The following KLHDC2 variants were observed in gnomAD, a reference collection of about 807,000 sequenced individuals.
The protein encoded by KLHDC2 is kelch domain containing 2.
KLHDC2 carries 38 observed loss-of-function variants against 62.3 expected under a neutral mutation model. The ratio of observed to expected loss-of-function variants is 0.61; its 90% CI spans 0.47 to 0.80. The LOEUF (loss-of-function observed/expected upper bound fraction) is 0.80. KLHDC2 is among the 30% of genes least tolerant of loss of function. The pLI, the probability that KLHDC2 is intolerant of heterozygous loss-of-function variation, is 0.00. For synonymous variants in KLHDC2, 159 were observed against 161.0 expected (o/e 0.99, Z 0.09); for missense variants, 430 against 495.3 (o/e 0.87, Z 1.25).
chr14:49,773,512 G>A (rs1889707076), intron 2 of KLHDC2, among the ~76,000 whole-genome samples: 1 of 151,172 alleles, frequency 6.6e-6, no homozygotes. Flanking sequence ...TTGAGCCCAG[G>A]AGTTCAAGAC....
intron 4 of KLHDC2, 57 bp downstream of exon 4, chr14:49,778,011 G>A (rs1311255208): frequency 1.8e-6 from 2 of 1,099,188 alleles, no homozygotes; most frequent in Admixed American, 3.8e-5. Context: ...TTACCATTCA[G>A]GTATCCTTAG....
chr14:49,782,949 C>T lies in KLHDC2; in HGVS notation c.1217C>T (p.Ser406Phe), dbSNP rs747255867. The T allele has an allele frequency of 6.2e-7, 1 of 1,611,282 alleles. No individual in the cohort carries two copies. ...QRFGSNNTSG[S>F] ...TTTGGTAGTAACAACACTTCTGGAT[C>T]TTAAGGCTTCATAAATAATGCCTAT... Residue 406 changes from serine (S) to phenylalanine (F), a missense_variant, in exon 13 of 13, where the codon TCT (serine) becomes TTT (phenylalanine). Physicochemically the swap from Ser to Phe is radical, Grantham distance 155. Coordinates refer to ENST00000298307, the MANE Select transcript of KLHDC2 (RefSeq NM_014315.3).
chr14:49,778,561 G>GC, intron 6 of KLHDC2, 67 bp downstream of exon 6: 6 of 297,522 alleles, frequency 2.0e-5, no homozygotes, highest in East Asian at 8.7e-5. Flanking sequence ...TGGGGTAGGG[G>GC]AGAGGGGTGC....
At chr14:49,780,134 A>C in intron 8 of KLHDC2, 79 bp from the exon 9 acceptor site, 1 of 902,752 alleles carries the variant, frequency 1.1e-6, no homozygotes, top group Non-Finnish European at 1.8e-6. Flanking sequence ...TAACATGTAC[A>C]TATAAATTTT....
At chr14:49,772,035 C>T (rs1320737810) in intron 2 of KLHDC2, among the ~76,000 whole-genome samples, 5 of 152,124 alleles carry the variant, frequency 3.3e-5, no homozygotes, top group Admixed American at 3.3e-4. Flanking sequence ...AAATGTAAAA[C>T]ACTTTCTAAG....
chr14:49,778,218 A>C lies in KLHDC2; in HGVS notation c.508A>C (p.Lys170Gln). 1 of 1,609,586 alleles carries C rather than the reference A, an allele frequency of 6.2e-7. No individual in the cohort carries two copies. Among genetic ancestry groups the C allele is most frequent in the Admixed American group, 1.7e-5 (1 of 59,302 alleles). ...AGGGTATGGATATTTGCCTGAAGAT[A>C]AAGTATTGGGAACTTTTGAATTCGA... Reference protein sequence around the residue: ...FGGYGYLPEDKVLGTFEFDET... With the variant: ...FGGYGYLPEDQVLGTFEFDET... Residue 170 changes from lysine (K) to glutamine (Q), a missense_variant, in exon 5 of 13, where the codon AAA becomes CAA. Physicochemically the swap from Lys to Gln is moderately conservative, Grantham distance 53 (BLOSUM62 1). Coordinates refer to ENST00000298307, the MANE Select transcript of KLHDC2 (RefSeq NM_014315.3).
At chr14:49,770,107 T>C (rs1889631560) in intron 1 of KLHDC2, among the ~76,000 whole-genome samples, 1 of 152,034 alleles carries the variant, frequency 6.6e-6, no homozygotes, top group African/African-American at 2.4e-5. Flanking sequence ...CATGAGAGAA[T>C]AAGACTTTGG....
In KLHDC2 at chr14:49,777,834, G is replaced by T; in HGVS notation, c.352-5G>T. ...AACTCTAACTGAAATCATTGCTTCT[G>T]ACAGTTCTACATGCTGGATTCAAGG... On this transcript the variant is annotated splice_polypyrimidine_tract_variant and splice_region_variant and intron_variant, in intron 3 of 12. Transcript: ENST00000298307. 6.8e-7 allele frequency: 1 copy of T among 1,463,406 alleles called. No homozygotes were observed. The highest frequency in any genetic ancestry group is 9.3e-7 in the Non-Finnish European group (1 of 1,070,490). The allele number at this position is 1,463,406 out of a possible 1,614,324, so 90.7% of individuals were successfully genotyped here.
At chr14:49,768,929 C>T (rs1169833438) in intron 1 of KLHDC2, 4 of 338,218 alleles carry the variant, frequency 1.2e-5, no homozygotes, top group African/African-American at 8.7e-5. Context: ...GTTAATGTTG[C>T]TTGGGCGGTG....
In KLHDC2 at chr14:49,778,497, G is replaced by GAGTT; in HGVS notation, c.633+5_633+8dup. ...CCTGGAGCCAGCCTATAACTACTGTGAGTTACTAAAGAATAATGAATTGTT... is the reference window on the plus strand; with the variant it reads ...CCTGGAGCCAGCCTATAACTACTGTGAGTTAGTTACTAAAGAATAATGAATTGTT... On this transcript the variant is annotated splice_donor_region_variant and intron_variant, in intron 6 of 12. Coordinates refer to ENST00000298307, the MANE Select transcript of KLHDC2 (RefSeq NM_014315.3). The GAGTT allele has an allele frequency of 8.3e-7, 1 of 1,206,246 alleles. No individual in the cohort carries two copies. The highest frequency in any genetic ancestry group is 1.1e-6 in the Non-Finnish European group (1 of 885,194). 74.7% of individuals were successfully genotyped at this position (1,206,246 alleles called of 1,614,324 possible). A position where few individuals can be genotyped will look rare whatever the true frequency, so the allele number is the denominator to read the frequency against.
Position 49,768,366 on chromosome 14 carries a change from C to G in KLHDC2, c.-103C>G. 1 of 1,344,476 alleles carries G rather than the reference C, an allele frequency of 7.4e-7. No homozygotes were observed. Among genetic ancestry groups the G allele is most frequent in the Non-Finnish European group, 1.0e-6 (1 of 990,956 alleles). 83.3% of individuals were successfully genotyped at this position (1,344,476 alleles called of 1,614,324 possible). A position where few individuals can be genotyped will look rare whatever the true frequency, so the allele number is the denominator to read the frequency against. ...TCAACGCCGTCCCTTTCGCCACCGC[C>G]TTTTCCTTGCCTCGCGCCGCTGTGC... On this transcript the variant is annotated 5_prime_UTR_variant, in exon 1 of 13. Coordinates refer to ENST00000298307, the MANE Select transcript of KLHDC2 (RefSeq NM_014315.3).
intron 8 of KLHDC2, 159 bp from the exon 9 acceptor site, chr14:49,780,051 AAAG>A: frequency 1.6e-6 from 1 of 624,530 alleles, no homozygotes; most frequent in Non-Finnish European, 2.8e-6. Flanking sequence ...TTCTAACGTC[AAAG>A]AAAATATTTC....
At chr14:49,779,543 T>C in intron 6 of KLHDC2, 52 bp from the exon 7 acceptor site, 2 of 1,350,944 alleles carry the variant, frequency 1.5e-6, no homozygotes, top group South Asian at 2.4e-5. Context: ...TAGACATAGG[T>C]ATTTTCCCTG....
intron 6 of KLHDC2, 48 bp from the exon 7 acceptor site, chr14:49,779,547 T>A (rs1236566828): frequency 2.1e-6 from 3 of 1,412,512 alleles, no homozygotes; most frequent in Non-Finnish European, 3.0e-6. Context: ...CATAGGTATT[T>A]TCCCTGTTTA....
Position 49,768,639 on chromosome 14 carries a change from C to T in KLHDC2, c.153+18C>T, listed in dbSNP as rs1457956919. ...GCTACAAGGTCAGTGAGTGGCCGGG[C>T]CGCGACGGACGTCGCTCGGCTGTGA... is the stretch of plus-strand genomic sequence containing the variant. On this transcript the variant is annotated intron_variant, in intron 1 of 12. Transcript: ENST00000298307. The T allele has an allele frequency of 1.9e-6, 3 of 1,564,194 alleles. No individual in the cohort carries two copies. Among genetic ancestry groups the T allele is most frequent in the South Asian group, 2.3e-5 (2 of 85,584 alleles).
At chr14:49,775,786 C>T (rs1204491507) in intron 3 of KLHDC2, among the ~76,000 whole-genome samples, 1 of 151,934 alleles carries the variant, frequency 6.6e-6, no homozygotes, top group Non-Finnish European at 1.5e-5. Flanking sequence ...ATCACTACGC[C>T]CAGCTAATTT....
chr14:49,773,662 C>T (rs951603214), intron 2 of KLHDC2, among the ~76,000 whole-genome samples: 16 of 150,566 alleles, frequency 1.1e-4, no homozygotes, highest in Admixed American at 3.3e-4. Context: ...CTGCAAGCTC[C>T]GCCTCCTGGC....
Position 49,783,280 on chromosome 14 carries a change from T to G in KLHDC2, c.*327T>G, listed in dbSNP as rs1467566733. 1 of 136,524 alleles carries G rather than the reference T, an allele frequency of 7.3e-6. No homozygotes were observed. Among genetic ancestry groups the G allele is most frequent in the East Asian group, 1.8e-4 (1 of 5,440 alleles). The allele number at this position is 136,524 out of a possible 1,614,324, so 8.5% of individuals were successfully genotyped here. A position where few individuals can be genotyped will look rare whatever the true frequency, so the allele number is the denominator to read the frequency against. ...CCATCATCAAAATGCTGAAGTCATT[T>G]TTTGAAAACATTATAGATTTTTTTT... On this transcript the variant is annotated 3_prime_UTR_variant, in exon 13 of 13. Transcript: ENST00000298307.
chr14:49,783,815 C>T lies in KLHDC2; in HGVS notation c.*862C>T, dbSNP rs1890030331. The T allele has an allele frequency of 6.6e-6, 1 of 152,120 alleles. No individual in the cohort carries two copies. The highest frequency in any genetic ancestry group is 1.5e-5 in the Non-Finnish European group (1 of 68,022). 9.4% of individuals were successfully genotyped at this position (152,120 alleles called of 1,614,324 possible). ...ATGAATAGAAATGATTAAGCTGAGT[C>T]ATGAGAATTATTACTTATATTTTAC... On this transcript the variant is annotated 3_prime_UTR_variant, in exon 13 of 13. Transcript: ENST00000298307.
Sources: gnomAD v4.1 joint callset for allele counts (sites outside exome capture counted in the v4.1 genomes callset) on GRCh38, gnomAD v4.1.1 for gene constraint, MANE v1.5 for transcripts, NCBI Gene and HGNC (gene_info 2026-07-23, HGNC 2026-07-21) for gene names.